The following KIF15 variants were observed in gnomAD, a reference collection of about 807,000 sequenced individuals.
KIF15 encodes the protein kinesin-like protein KIF15.
A neutral mutation model predicts 190.6 loss-of-function variants in KIF15; 140 were observed. The observed-to-expected ratio is 0.73, with a 90% CI of 0.64 to 0.84. KIF15 has a LOEUF of 0.84. KIF15 is among the 40% of genes least tolerant of loss of function. The pLI, the probability that KIF15 is intolerant of heterozygous loss-of-function variation, is 0.00. For missense variants in KIF15, 1,372 were observed against 1,584.4 expected, an observed-to-expected ratio of 0.87 and a Z score of 2.28; for synonymous variants, 528 against 551.3, an observed-to-expected ratio of 0.96 and a Z score of 0.59.
chr3:44,788,488 C>G (rs964610204), intron 7 of KIF15, among the ~76,000 whole-genome samples: 2 of 151,382 alleles, frequency 1.3e-5, no homozygotes, highest in Non-Finnish European at 2.9e-5. Flanking sequence ...GGGTCTCGCT[C>G]TGTCACCCAG....
At chr3:44,769,621 G>A (rs1705560939) in intron 1 of KIF15, among the ~76,000 whole-genome samples, 2 of 152,146 alleles carry the variant, frequency 1.3e-5, no homozygotes, top group Admixed American at 1.3e-4. Flanking sequence ...ATGCTCACCT[G>A]TGCTGTGCTT....
At chr3:44,793,392 C>G (rs79970909) in intron 7 of KIF15, among the ~76,000 whole-genome samples, 1,659 of 152,304 alleles carry the variant, frequency 0.011, 28 homozygotes, top group African/African-American at 0.037. Context: ...TCCTGTCCAA[C>G]ATTCTCATTT....
chr3:44,804,048 A>G (rs1386260480), intron 14 of KIF15, among the ~76,000 whole-genome samples: 1 of 152,064 alleles, frequency 6.6e-6, no homozygotes, highest in Non-Finnish European at 1.5e-5. Flanking sequence ...GGGTTTCACC[A>G]TGTTGGCCAG....
intron 6 of KIF15, among the ~76,000 whole-genome samples, chr3:44,865,958 T>A (rs965935873): frequency 1.3e-5 from 2 of 152,170 alleles, no homozygotes; most frequent in Non-Finnish European, 2.9e-5. Context: ...GGTTCAGAGG[T>A]CCCTCCATTC....
At chr3:44,827,905 C>T (rs1376219123) in intron 23 of KIF15, among the ~76,000 whole-genome samples, 1 of 152,036 alleles carries the variant, frequency 6.6e-6, no homozygotes, top group Non-Finnish European at 1.5e-5. Flanking sequence ...GATCGAACTC[C>T]TGAGCTCAAG....
intron 1 of KIF15, among the ~76,000 whole-genome samples, 161 bp from the exon 2 acceptor site, chr3:44,774,234 G>A (rs914614978): frequency 6.6e-6 from 1 of 152,224 alleles, no homozygotes; most frequent in African/African-American, 2.4e-5. Flanking sequence ...GGTTGGGATA[G>A]AATGAGAATA....
chr3:44,865,581 G>A (rs1281070428), intron 6 of KIF15: 1 of 202,264 alleles, frequency 4.9e-6, no homozygotes, highest in South Asian at 1.3e-4. Flanking sequence ...CCATGCTGAT[G>A]TATCAGGCCA....
chr3:44,861,310 G>GT (rs1215160625), intron 6 of KIF15, among the ~76,000 whole-genome samples: 22 of 152,252 alleles, frequency 1.4e-4, no homozygotes, highest in Non-Finnish European at 1.3e-4. Flanking sequence ...CTAAACATAC[G>GT]TAAGTATAAC....
chr3:44,856,964 G>C (rs558871409), downstream of KIF15, among the ~76,000 whole-genome samples: 1 of 152,314 alleles, frequency 6.6e-6, no homozygotes, highest in Admixed American at 6.5e-5. Flanking sequence ...GAGGAGGGCA[G>C]AGCGGTAGCC....
At chr3:44,820,355 T>A (rs1205494862) in intron 20 of KIF15, among the ~76,000 whole-genome samples, 2 of 150,196 alleles carry the variant, frequency 1.3e-5, no homozygotes, top group African/African-American at 4.9e-5. Context: ...TTTTTTAAAC[T>A]TTTATTTATT....
intron 7 of KIF15, among the ~76,000 whole-genome samples, chr3:44,787,758 A>C (rs1238167821): frequency 6.6e-6 from 1 of 152,240 alleles, no homozygotes; most frequent in Non-Finnish European, 1.5e-5. Flanking sequence ...AATTTTCATC[A>C]TAAAAGTCAC....
intron 26 of KIF15, among the ~76,000 whole-genome samples, chr3:44,834,326 TATC>T (rs1698206492): frequency 6.6e-6 from 1 of 152,218 alleles, no homozygotes; most frequent in Non-Finnish European, 1.5e-5. Context: ...GGGATACAAA[TATC>T]ATAAAAACTG....
Position 44,827,477 on chromosome 3 carries a change from T to C in KIF15, c.2805T>C (p.Leu935=). ...CTTCCAGAGAAATCTTAAAAGTTCT[T>C]GAGGCTGTACGTCAGGAGAAACAGA... ...ENSSKEILKV[L]EAVRQEKQKE... is the part of the protein sequence containing the mutation. Residue 935 remains leucine, a synonymous_variant, in exon 23 of 35, where the codon CTT becomes CTC. Transcript: ENST00000326047. 1 of 1,612,102 alleles carries C rather than the reference T, an allele frequency of 6.2e-7. No homozygotes were observed. Among genetic ancestry groups the C allele is most frequent in the Non-Finnish European group, 8.5e-7 (1 of 1,178,538 alleles).
At chr3:44,762,274 T>C (rs1198059964) in intron 1 of KIF15, among the ~76,000 whole-genome samples, 1 of 152,260 alleles carries the variant, frequency 6.6e-6, no homozygotes, top group East Asian at 1.9e-4. Context: ...TTCTGCGTAT[T>C]TCTACATTTC....
At chr3:44,864,673 G>C (rs1000909091) in intron 6 of KIF15, among the ~76,000 whole-genome samples, 2 of 152,170 alleles carry the variant, frequency 1.3e-5, no homozygotes, top group Admixed American at 1.3e-4. Flanking sequence ...GCATTTAGAG[G>C]GTTGGGATTC....
rs117452985 is a variant in KIF15, at chr3:44,768,993, G to T, written c.20-5402G>T. On this transcript the variant is annotated intron_variant, in intron 1 of 34. Coordinates refer to ENST00000326047, the MANE Select transcript of KIF15 (RefSeq NM_020242.3). ...TTGCACAGGGAGAGGGAGGCCAAAA[G>T]CCTGATTGTTAAAAGTTAAAAAAAA... Among the ~76,000 whole-genome samples, 1,151 of 152,234 alleles carry T rather than the reference G, an allele frequency of 7.6e-3. 41 individuals carry two copies. The highest frequency in any genetic ancestry group is 0.066 in the Admixed American group (1,013 of 15,286).
At position 44,851,801 on chromosome 3, in the gene KIF15, A is replaced by G. The variant is rs772918269; in HGVS notation, c.3821A>G (p.Gln1274Arg). 1.2e-6 allele frequency: 2 copies of G among 1,613,020 alleles called. No homozygotes were observed. The highest frequency in any genetic ancestry group is 1.1e-5 in the South Asian group (1 of 90,894). ...LKMKADLEEV[Q>R]SALYNKEMEC... Reference sequence around the variant, plus strand: ...TATTCCTACAGCCTAGAAGAAGTCCAAAGTGCCCTTTACAACAAAGAGATG... The same window carrying G: ...TATTCCTACAGCCTAGAAGAAGTCCGAAGTGCCCTTTACAACAAAGAGATG... Residue 1274 changes from glutamine to arginine, a missense_variant, in exon 33 of 35, where the codon CAA becomes CGA. Transcript: ENST00000326047.
rs542744189 is a variant in KIF15, at chr3:44,812,076, A to AATTTG, written c.2170-105_2170-101dup. 183 of 812,294 alleles carry AATTTG rather than the reference A, an allele frequency of 2.3e-4. No individual in the cohort carries two copies. The African/African-American group carries it at 2.9e-3, about 13-fold the overall frequency. 50.3% of individuals were successfully genotyped at this position (812,294 alleles called of 1,614,324 possible). On this transcript the variant is annotated intron_variant, in intron 17 of 34. Coordinates refer to ENST00000326047, the MANE Select transcript of KIF15 (RefSeq NM_020242.3). ...ATACCTTTGTTCATATGAGGTTTTG[A>AATTTG]ATTTGTTTTGTTTTGTTTTGTTGTC... is the stretch of plus-strand genomic sequence containing the variant.
At chr3:44,792,826 G>A (rs936320703) in intron 7 of KIF15, among the ~76,000 whole-genome samples, 2 of 152,174 alleles carry the variant, frequency 1.3e-5, no homozygotes, top group Non-Finnish European at 2.9e-5. Context: ...AATTACAGGC[G>A]TGAGCCACCG....
Sources: gnomAD v4.1 joint callset for allele counts (sites outside exome capture counted in the v4.1 genomes callset) on GRCh38, gnomAD v4.1.1 for gene constraint, MANE v1.5 for transcripts, NCBI Gene and HGNC (gene_info 2026-07-23, HGNC 2026-07-21) for gene names.